Variants in RAB4A observed in about 807,000 individuals in gnomAD.
The protein encoded by RAB4A is RAB4A, member RAS oncogene family, also known as ras-related protein Rab-4A.
A neutral mutation model predicts 34.5 loss-of-function variants in RAB4A; 20 were observed. The observed-to-expected ratio is 0.58, with a 90% CI of 0.41 to 0.84. The LOEUF (loss-of-function observed/expected upper bound fraction) is 0.84, where lower values mean the gene tolerates loss of function less well. Among genes scored for constraint, RAB4A ranks in the 40% least tolerant of loss-of-function variants. The probability of loss-of-function intolerance (pLI) is 0.00; values close to 1 mark genes in which losing one functional copy is unlikely to be tolerated. For synonymous variants in RAB4A, 102 were observed against 100.0 expected (o/e 1.02, Z -0.12); for missense variants, 228 against 274.5 (o/e 0.83, Z 1.20).
intron 3 of RAB4A, among the ~76,000 whole-genome samples, chr1:229,292,655 A>G (rs1472552642): frequency 3.9e-5 from 6 of 152,240 alleles, no homozygotes; most frequent in Non-Finnish European, 5.9e-5. Context: ...ACTAAGAGCT[A>G]AAAAGTACAT....
intron 1 of RAB4A, among the ~76,000 whole-genome samples, chr1:229,283,355 C>T (rs879554060): frequency 4.6e-5 from 7 of 152,162 alleles, no homozygotes; most frequent in Non-Finnish European, 8.8e-5. Context: ...TTGATATGCC[C>T]GGTTGTAGCC....
At position 229,299,067 on chromosome 1, in the gene RAB4A, A is replaced by G. The variant is rs1657315371; in HGVS notation, c.536A>G (p.Glu179Gly). ...QCARKILNKI[E>G]SGELDPERMG... ...GCAAGAAAAATACTTAACAAAATCG[A>G]ATCAGGTAAAAGCCTTTCCATTAAG... Residue 179 changes from glutamate (E) to glycine (G), a missense_variant, in exon 6 of 8, where the codon GAA becomes GGA. Physicochemically the swap from Glu to Gly is moderately conservative, Grantham distance 98 (BLOSUM62 -2). Transcript: ENST00000366690. 6.2e-7 allele frequency: 1 copy of G among 1,603,330 alleles called. No individual in the cohort carries two copies. Among genetic ancestry groups the G allele is most frequent in the Admixed American group, 1.8e-5 (1 of 56,914 alleles).
Position 229,279,198 on chromosome 1 carries a change from A to T in RAB4A, c.32-7288A>T, listed in dbSNP as rs1656719380. Among the ~76,000 whole-genome samples, 3 of 152,236 alleles carry T rather than the reference A, an allele frequency of 2.0e-5. No homozygotes were observed. In the South Asian group the frequency reaches 6.2e-4, roughly 31 times the overall value. ...CCAGGAAGTAGGACACATGAAATGCATCATACAGTCAGAGGCCATACATCC... is the reference window on the plus strand; with the variant it reads ...CCAGGAAGTAGGACACATGAAATGCTTCATACAGTCAGAGGCCATACATCC... On this transcript the variant is annotated intron_variant, in intron 1 of 7. Transcript: ENST00000366690.
chr1:229,279,979 G>A (rs112287812), intron 1 of RAB4A, among the ~76,000 whole-genome samples: 2 of 152,182 alleles, frequency 1.3e-5, no homozygotes, highest in Admixed American at 6.5e-5. Flanking sequence ...TAGGCATTTT[G>A]CCTTCATTAA....
rs895306126 is a variant in RAB4A at position 229,271,310 on chromosome 1, G to A, written c.-30G>A. On this transcript the variant is annotated 5_prime_UTR_variant, in exon 1 of 8. Coordinates refer to ENST00000366690, the MANE Select transcript of RAB4A (RefSeq NM_004578.4). ...CGGACCGCGGGCGAGTGCAGCCGGT[G>A]ACCCGGCGAGAGGCGGCGCCGCTCC... 5.3e-6 allele frequency: 7 copies of A among 1,329,780 alleles called. No individual in the cohort carries two copies. In the African/African-American group the frequency reaches 1.1e-4, roughly 20 times the overall value. The allele number at this position is 1,329,780 out of a possible 1,614,324, so 82.4% of individuals were successfully genotyped here.
At chr1:229,296,305 T>G (rs1657249546) in intron 4 of RAB4A, among the ~76,000 whole-genome samples, 1 of 152,190 alleles carries the variant, frequency 6.6e-6, no homozygotes, top group African/African-American at 2.4e-5. Context: ...CCAGTTGCAG[T>G]CACTAGCTGA....
intron 1 of RAB4A, among the ~76,000 whole-genome samples, chr1:229,275,951 G>A (rs1490071861): frequency 1.3e-5 from 2 of 151,022 alleles, no homozygotes; most frequent in East Asian, 1.9e-4. Context: ...AAGTCACCTG[G>A]TTCCAATAAA....
chr1:229,296,286 G>A (rs1163677927), intron 4 of RAB4A, among the ~76,000 whole-genome samples: 1 of 152,188 alleles, frequency 6.6e-6, no homozygotes, highest in Non-Finnish European at 1.5e-5. Context: ...AGATTGCTGG[G>A]TTCAAATCCC....
At chr1:229,277,309 T>TA (rs1656676372) in intron 1 of RAB4A, among the ~76,000 whole-genome samples, 1 of 151,004 alleles carries the variant, frequency 6.6e-6, no homozygotes, top group Non-Finnish European at 1.5e-5. Flanking sequence ...CAGGCTTAGG[T>TA]AAACCGCGGC....
intron 1 of RAB4A, among the ~76,000 whole-genome samples, chr1:229,276,171 G>A (rs944766226): frequency 6.6e-6 from 1 of 151,242 alleles, no homozygotes; most frequent in Admixed American, 6.6e-5. Context: ...AAGTACCAAA[G>A]TTTGGGAAAC....
At chr1:229,294,423 C>T (rs1657180775) in intron 3 of RAB4A, among the ~76,000 whole-genome samples, 1 of 152,228 alleles carries the variant, frequency 6.6e-6, no homozygotes, top group Non-Finnish European at 1.5e-5. Context: ...GACAGAAATG[C>T]CCACTCCAGC....
At position 229,302,297 on chromosome 1, in the gene RAB4A, ATATATATATATATTTTTTT is replaced by A. The variant is rs1657424843; in HGVS notation, c.542-563_542-545del. Among the ~76,000 whole-genome samples the A allele has an allele frequency of 7.0e-5, 2 of 28,378 alleles. 1 individual carries two copies. Among genetic ancestry groups the A allele is most frequent in the Non-Finnish European group, 1.3e-4 (2 of 14,944 alleles). The allele number at this position is 28,378 out of a possible 152,430, so 18.6% of individuals were successfully genotyped here. ...TATATATATATATATATATATATAT[ATATATATATATATTTTTTT>A]TTTTTTTTTACATGTGCATGAGTCT... On this transcript the variant is annotated intron_variant, in intron 6 of 7. Coordinates refer to ENST00000366690, the MANE Select transcript of RAB4A (RefSeq NM_004578.4).
At chr1:229,294,982 T>C (rs1657198589) in intron 3 of RAB4A, among the ~76,000 whole-genome samples, 1 of 151,818 alleles carries the variant, frequency 6.6e-6, no homozygotes, top group Non-Finnish European at 1.5e-5. Flanking sequence ...TCCTGGCTTT[T>C]TTTTTTTTTT....
At chr1:229,276,017 C>A (rs1656634619) in intron 1 of RAB4A, among the ~76,000 whole-genome samples, 1 of 151,344 alleles carries the variant, frequency 6.6e-6, no homozygotes, top group Admixed American at 6.6e-5. Flanking sequence ...ACCTTAATTT[C>A]ATGAAAGATG....
At chr1:229,300,544 G>A (rs1281295289) in intron 6 of RAB4A, among the ~76,000 whole-genome samples, 1 of 152,184 alleles carries the variant, frequency 6.6e-6, no homozygotes, top group Non-Finnish European at 1.5e-5. Flanking sequence ...GACAAGGTGA[G>A]GAGGAAGGGC....
chr1:229,273,561 G>A (rs2055808), intron 1 of RAB4A, among the ~76,000 whole-genome samples: 3,145 of 152,194 alleles, frequency 0.021, 107 homozygotes, highest in African/African-American at 0.071. Context: ...CCAACATGGC[G>A]AAACCCCAGC....
chr1:229,302,729 G>GT (rs1465987098), intron 6 of RAB4A, 133 bp from the exon 7 acceptor site: 11 of 610,226 alleles, frequency 1.8e-5, no homozygotes, highest in African/African-American at 1.3e-4. Context: ...CATATATATA[G>GT]TTTTTTCCCT....
At chr1:229,277,447 A>G (rs2102834633) in intron 1 of RAB4A, among the ~76,000 whole-genome samples, 1 of 150,994 alleles carries the variant, frequency 6.6e-6, no homozygotes, top group East Asian at 1.9e-4. Flanking sequence ...CACCTCTCCT[A>G]ACCAGCATTT....
Position 229,305,686 on chromosome 1 carries a change from A to G in RAB4A, c.*1893A>G, listed in dbSNP as rs1657531655. On this transcript the variant is annotated 3_prime_UTR_variant, in exon 8 of 8. Transcript: ENST00000366690. Reference sequence around the variant, plus strand: ...TTCAGTCTTCCTAGAAAAAGATTATAAAGACCATTTAAACTGGAGATTGTA... The same window carrying G: ...TTCAGTCTTCCTAGAAAAAGATTATGAAGACCATTTAAACTGGAGATTGTA... 1 of 155,492 alleles carries G rather than the reference A, an allele frequency of 6.4e-6. No individual in the cohort carries two copies. Among genetic ancestry groups the G allele is most frequent in the South Asian group, 2.0e-4 (1 of 4,884 alleles). 9.6% of individuals were successfully genotyped at this position (155,492 alleles called of 1,614,324 possible). A position where few individuals can be genotyped will look rare whatever the true frequency, so the allele number is the denominator to read the frequency against.
Sources: allele counts gnomAD v4.1 joint callset (sites outside exome capture counted in the v4.1 genomes callset), GRCh38; gene constraint gnomAD v4.1.1; transcripts MANE v1.5; gene names NCBI Gene and HGNC (gene_info 2026-07-23, HGNC 2026-07-21).